The following MRTFB variants were observed in gnomAD, a reference collection of about 807,000 sequenced individuals.
MRTFB encodes myocardin-related transcription factor B.
MRTFB carries 29 observed loss-of-function variants against 104.2 expected under a neutral mutation model. The ratio of observed to expected loss-of-function variants is 0.28; its 90% CI spans 0.21 to 0.38. The LOEUF is 0.38. MRTFB is among the 10% of genes least tolerant of loss of function. The pLI, the probability that MRTFB is intolerant of heterozygous loss-of-function variation, is 1.00. For synonymous variants in MRTFB, 535 were observed against 519.5 expected (o/e 1.03, Z -0.41); for missense variants, 1,270 against 1,341.6 (o/e 0.95, Z 0.83).
rs374802731 is a variant in MRTFB at position 14,159,862 on chromosome 16, G to A, written c.154+19102G>A. Among the ~76,000 whole-genome samples, 619 of 145,290 alleles carry A rather than the reference G, an allele frequency of 4.3e-3. 5 individuals are homozygous for A. Among genetic ancestry groups the A allele is most frequent in the African/African-American group, 0.015 (592 of 38,448 alleles). On this transcript the variant is annotated intron_variant, in intron 3 of 16. Transcript: ENST00000571589. ...GGAGAATGGCGTGAACCCGGGAGGC[G>A]GAGCTTGCAGTGAGCCGAGATCCCG...
chr16:14,016,246 T>TA, the MRTFB span, among the ~76,000 whole-genome samples: 1 of 152,062 alleles, frequency 6.6e-6, no homozygotes, highest in African/African-American at 2.4e-5. Context: ...AAAGCTCTAT[T>TA]TAGAGAGCAG....
intron 2 of MRTFB, among the ~76,000 whole-genome samples, chr16:14,130,813 C>G (rs2037401585): frequency 6.6e-6 from 1 of 151,192 alleles, no homozygotes; most frequent in South Asian, 2.1e-4. Context: ...GGAAGGGGAG[C>G]AAACACATCC....
intron 2 of MRTFB, among the ~76,000 whole-genome samples, chr16:14,086,729 GC>G (rs1245963717): frequency 6.6e-6 from 1 of 152,086 alleles, no homozygotes; most frequent in Non-Finnish European, 1.5e-5. Flanking sequence ...ATGCTTTAAA[GC>G]CCTGATTCTA....
intron 3 of MRTFB, among the ~76,000 whole-genome samples, chr16:14,188,089 T>G (rs2040023095): frequency 6.6e-6 from 1 of 152,244 alleles, no homozygotes; most frequent in Admixed American, 6.5e-5. Context: ...TACTCTTGGG[T>G]ATGGGCAGGA....
upstream of MRTFB, among the ~76,000 whole-genome samples, chr16:14,068,199 T>C (rs921162295): frequency 2.0e-5 from 3 of 152,196 alleles, no homozygotes; most frequent in Admixed American, 2.0e-4. Flanking sequence ...TACTGGGCAA[T>C]GAGGAAAGGA....
chr16:14,145,500 A>G (rs1474504507), intron 3 of MRTFB, among the ~76,000 whole-genome samples: 1 of 152,236 alleles, frequency 6.6e-6, no homozygotes, highest in African/African-American at 2.4e-5. Flanking sequence ...TACTGATGAT[A>G]GTGGAGCGGC....
chr16:14,263,234 C>T lies in MRTFB; in HGVS notation c.*1790C>T, dbSNP rs2043834055. On this transcript the variant is annotated 3_prime_UTR_variant, in exon 17 of 17. Transcript: ENST00000571589. ...GTGTTCAGAAATTGGTAAACCAACA[C>T]ACGGGATACAATAACTCTCTGTTAA... 1.3e-5 allele frequency: 2 copies of T among 152,220 alleles called. No individual in the cohort carries two copies. 9.4% of individuals were successfully genotyped at this position (152,220 alleles called of 1,614,324 possible). A position where few individuals can be genotyped will look rare whatever the true frequency, so the allele number is the denominator to read the frequency against.
At chr16:14,109,930 C>G (rs778533800) in intron 2 of MRTFB, among the ~76,000 whole-genome samples, 1 of 152,172 alleles carries the variant, frequency 6.6e-6, no homozygotes, top group African/African-American at 2.4e-5. Flanking sequence ...AGATTTTCAT[C>G]ACAAATCAGC....
chr16:14,164,006 A>G (rs529327072), intron 3 of MRTFB, among the ~76,000 whole-genome samples: 1 of 152,282 alleles, frequency 6.6e-6, no homozygotes, highest in South Asian at 2.1e-4. Context: ...AAGTCTGGGT[A>G]TTTAGGATAT....
At chr16:14,042,126 GTTGT>G in the MRTFB span, among the ~76,000 whole-genome samples, 5,711 of 151,828 alleles carry the variant, frequency 0.038, 375 homozygotes, top group African/African-American at 0.13. Flanking sequence ...TATTTTCTGG[GTTGT>G]TTGTTTGTTT....
At chr16:14,036,296 TTATATATATATATA>T in the MRTFB span, among the ~76,000 whole-genome samples, 3 of 98,316 alleles carry the variant, frequency 3.1e-5, no homozygotes, top group Admixed American at 1.4e-4. Flanking sequence ...TTATATATAT[TTATATATATATATA>T]TATATATATA....
chr16:14,017,107 A>G, the MRTFB span, among the ~76,000 whole-genome samples: 2 of 131,664 alleles, frequency 1.5e-5, no homozygotes, highest in Non-Finnish European at 3.1e-5. Context: ...CCCAGGCTGG[A>G]GTGCAGTGGA....
intron 2 of MRTFB, among the ~76,000 whole-genome samples, chr16:14,081,428 G>A (rs1179292807): frequency 6.6e-6 from 1 of 152,042 alleles, no homozygotes; most frequent in African/African-American, 2.4e-5. Context: ...AAGTAGCTGG[G>A]ATTACAGGCA....
chr16:14,048,370 C>G, the MRTFB span, among the ~76,000 whole-genome samples: 1 of 152,190 alleles, frequency 6.6e-6, no homozygotes, highest in Non-Finnish European at 1.5e-5. Context: ...GATGTTTGAA[C>G]AGAGACCTCG....
In MRTFB at chr16:14,217,182, C is replaced by T. The variant is rs1432234195; in HGVS notation, c.409C>T (p.Leu137=). The T allele has an allele frequency of 6.2e-7, 1 of 1,613,766 alleles. No homozygotes were observed. Among genetic ancestry groups the T allele is most frequent in the East Asian group, 2.2e-5 (1 of 44,874 alleles). ...ATQMKLKRAR[L]ADDLNEKIAQ... is the part of the protein sequence containing the mutation. The stretch of plus-strand genomic sequence containing the variant: ...TCAGATGAAGTTGAAAAGAGCTCGA[C>T]TAGCAGATGATCTGAATGAAAAGAT... The change falls in exon 7 of 17, where the codon CTA becomes TTA. Residue 137 remains leucine, a synonymous_variant. Coordinates refer to ENST00000571589, the MANE Select transcript of MRTFB (RefSeq NM_001308142.2).
At chr16:14,038,522 A>C in the MRTFB span, among the ~76,000 whole-genome samples, 1 of 152,166 alleles carries the variant, frequency 6.6e-6, no homozygotes, top group Admixed American at 6.6e-5. Context: ...ATGAGGAAGA[A>C]AGTGTTTGAT....
chr16:14,212,156 AC>A (rs1259456225), intron 4 of MRTFB, among the ~76,000 whole-genome samples, 197 bp from the exon 5 acceptor site: 1 of 152,228 alleles, frequency 6.6e-6, no homozygotes, highest in Non-Finnish European at 1.5e-5. Flanking sequence ...TTAAATGTCT[AC>A]TTTATTTGTG....
At chr16:14,059,403 C>T in the MRTFB span, among the ~76,000 whole-genome samples, 4 of 152,114 alleles carry the variant, frequency 2.6e-5, no homozygotes, top group Non-Finnish European at 5.9e-5. Flanking sequence ...AAGGGTCTGC[C>T]TTGTAAGCTA....
intron 2 of MRTFB, among the ~76,000 whole-genome samples, chr16:14,091,015 A>G (rs530359962): frequency 6.6e-6 from 1 of 152,022 alleles, no homozygotes; most frequent in East Asian, 1.9e-4. Context: ...GGTGTGTCCC[A>G]TTAAGGAATT....
Sources: allele counts gnomAD v4.1 joint callset (sites outside exome capture counted in the v4.1 genomes callset), GRCh38; gene constraint gnomAD v4.1.1; transcripts MANE v1.5; gene names NCBI Gene and HGNC (gene_info 2026-07-23, HGNC 2026-07-21).